Variants in FRS2 observed in about 807,000 individuals in gnomAD.
FRS2 encodes the protein fibroblast growth factor receptor substrate 2.
A neutral mutation model predicts 43.9 loss-of-function variants in FRS2; 8 were observed. The ratio of observed to expected loss-of-function variants is 0.18; its 90% CI spans 0.11 to 0.33. The LOEUF (loss-of-function observed/expected upper bound fraction) is 0.33, where lower values mean the gene tolerates loss of function less well. Among genes scored for constraint, FRS2 ranks in the 10% least tolerant of loss-of-function variants. The pLI, the probability that FRS2 is intolerant of heterozygous loss-of-function variation, is 1.00. For missense variants in FRS2, 534 were observed against 627.6 expected (o/e 0.85, Z 1.59); for synonymous variants, 219 against 220.3 (o/e 0.99, Z 0.05).
rs558333887 is a variant in FRS2, at chr12:69,470,800, C to T, written c.-261+270C>T. On this transcript the variant is annotated intron_variant, in intron 1 of 8. Coordinates refer to ENST00000549921, the MANE Select transcript of FRS2 (RefSeq NM_001278356.2). ...TCGAGAGTGGGGATGGGCTGGGCCT[C>T]TGTTCGTCCGTCCGACCCCCCTCAT... Among the ~76,000 whole-genome samples, 10 of 152,252 alleles carry T rather than the reference C, an allele frequency of 6.6e-5. 1 individual carries two copies. The South Asian group carries it at 8.3e-4, about 13-fold the overall frequency.
At chr12:69,488,028 G>A (rs1208820431) in intron 1 of FRS2, among the ~76,000 whole-genome samples, 1 of 152,224 alleles carries the variant, frequency 6.6e-6, no homozygotes, top group East Asian at 1.9e-4. Flanking sequence ...TTAGGAATGA[G>A]CAAAGAATAG....
intron 3 of FRS2, among the ~76,000 whole-genome samples, chr12:69,538,197 TTATATATATATATATATA>T (rs151295024): frequency 2.4e-5 from 2 of 81,638 alleles, no homozygotes; most frequent in Admixed American, 2.4e-4. Flanking sequence ...AAAACAAATT[TTATATATATATATATATA>T]TATATATAGC....
chr12:69,515,032 A>G (rs940414324), intron 1 of FRS2, among the ~76,000 whole-genome samples: 2 of 152,226 alleles, frequency 1.3e-5, no homozygotes, highest in African/African-American at 4.8e-5. Context: ...TATCTGTGTC[A>G]TCCTCACAAC....
rs556518823 is a variant in FRS2 at position 69,540,125 on chromosome 12, C to T, written c.-122+8069C>T. Among the ~76,000 whole-genome samples, 34 of 151,382 alleles carry T rather than the reference C, an allele frequency of 2.2e-4. 1 individual carries two copies. In the South Asian group the frequency reaches 6.7e-3, roughly 30 times the overall value. ...AAAATTAGCTGGGTGTGGTGGTGCG[C>T]GCCTGTAGTTCCAGCTACTAGGGAG... On this transcript the variant is annotated intron_variant, in intron 3 of 8. Transcript: ENST00000549921.
intron 1 of FRS2, among the ~76,000 whole-genome samples, chr12:69,495,586 A>G (rs1033768161): frequency 6.6e-6 from 1 of 152,206 alleles, no homozygotes; most frequent in Non-Finnish European, 1.5e-5. Flanking sequence ...TATTTAAAAA[A>G]TGGAGACTAT....
At chr12:69,523,986 C>T (rs1875945270) in intron 1 of FRS2, among the ~76,000 whole-genome samples, 1 of 152,168 alleles carries the variant, frequency 6.6e-6, no homozygotes, top group South Asian at 2.1e-4. Flanking sequence ...GCAGTGTGGA[C>T]GTGTGTGGAC....
Position 69,576,649 on chromosome 12 carries a change from G to A in FRS2, c.*1694G>A, listed in dbSNP as rs1881212055. On this transcript the variant is annotated 3_prime_UTR_variant, in exon 9 of 9. Coordinates refer to ENST00000549921, the MANE Select transcript of FRS2 (RefSeq NM_001278356.2). ...GTAACCGAATCATAGGACAATGATG[G>A]ATTAGGAGAACAATAGAGTGGGATC... 6.6e-6 allele frequency: 1 copy of A among 152,172 alleles called. No individual in the cohort carries two copies. Among genetic ancestry groups the A allele is most frequent in the African/African-American group, 2.4e-5 (1 of 41,434 alleles). The allele number at this position is 152,172 out of a possible 1,614,324, so 9.4% of individuals were successfully genotyped here. A position where few individuals can be genotyped will look rare whatever the true frequency, so the allele number is the denominator to read the frequency against.
chr12:69,489,534 G>A (rs1158657292), intron 1 of FRS2, among the ~76,000 whole-genome samples: 1 of 152,056 alleles, frequency 6.6e-6, no homozygotes, highest in Non-Finnish European at 1.5e-5. Flanking sequence ...GCTGGGTGTG[G>A]TGGCGCATGC....
chr12:69,551,942 A>G (rs978382197), intron 3 of FRS2, among the ~76,000 whole-genome samples: 7 of 152,086 alleles, frequency 4.6e-5, no homozygotes, highest in African/African-American at 1.7e-4. Flanking sequence ...GTGTCTTACA[A>G]TTAGTGGCAT....
intron 1 of FRS2, among the ~76,000 whole-genome samples, chr12:69,497,962 C>T (rs61927230): frequency 2.6e-5 from 4 of 152,036 alleles, no homozygotes; most frequent in Non-Finnish European, 5.9e-5. Flanking sequence ...AACTGTTATT[C>T]CAGGAAAAAG....
intron 5 of FRS2, 44 bp downstream of exon 5, chr12:69,569,140 G>T (rs368147839): frequency 4.4e-6 from 5 of 1,146,436 alleles, no homozygotes; most frequent in Non-Finnish European, 5.2e-6. Context: ...GCCTAGTTGG[G>T]TGTTCTTCTT....
At chr12:69,566,357 AATATGT>A (rs1427636765) in intron 4 of FRS2, among the ~76,000 whole-genome samples, 7 of 152,200 alleles carry the variant, frequency 4.6e-5, no homozygotes, top group Non-Finnish European at 4.4e-5. Flanking sequence ...GGGGAGAACA[AATATGT>A]ACTTTCAAGA....
chr12:69,563,989 A>G (rs1180156893), intron 4 of FRS2, among the ~76,000 whole-genome samples: 1 of 152,108 alleles, frequency 6.6e-6, no homozygotes, highest in Non-Finnish European at 1.5e-5. Flanking sequence ...TTCTTGACCT[A>G]CTGATTATAA....
At chr12:69,570,001 G>A (rs528657930) in intron 5 of FRS2, among the ~76,000 whole-genome samples, 17 of 152,104 alleles carry the variant, frequency 1.1e-4, no homozygotes, top group Admixed American at 3.3e-4. Context: ...TTATACTAGC[G>A]GTCCAGCTAA....
chr12:69,502,115 G>A (rs1873507101), intron 1 of FRS2, among the ~76,000 whole-genome samples: 1 of 151,984 alleles, frequency 6.6e-6, no homozygotes, highest in African/African-American at 2.4e-5. Flanking sequence ...ATAGGCACCT[G>A]CCACCACGCC....
At chr12:69,557,634 G>GCA (rs1879527689) in intron 3 of FRS2, among the ~76,000 whole-genome samples, 1 of 147,476 alleles carries the variant, frequency 6.8e-6, no homozygotes, top group African/African-American at 2.6e-5. Context: ...GCGCGCGCGC[G>GCA]CGCAGGTGCA....
chr12:69,528,123 G>A (rs891100166), intron 1 of FRS2, among the ~76,000 whole-genome samples: 3 of 152,182 alleles, frequency 2.0e-5, no homozygotes, highest in Admixed American at 6.5e-5. Context: ...AGTCAGACTT[G>A]CTGTTTTCTC....
In FRS2 at chr12:69,501,360, G is replaced by A. The variant is rs144946450; in HGVS notation, c.-260-29505G>A. The stretch of plus-strand genomic sequence containing the variant: ...CATTTTTAACAGTGATTCTGTGGGG[G>A]TGGAAAGACATTCGTGACTCCCGAC... On this transcript the variant is annotated intron_variant, in intron 1 of 8. Transcript: ENST00000549921. Among the ~76,000 whole-genome samples the A allele has an allele frequency of 1.4e-4, 22 of 152,286 alleles. 1 individual carries two copies. Among genetic ancestry groups the A allele is most frequent in the African/African-American group, 5.3e-4 (22 of 41,558 alleles).
rs569465033 is a variant in FRS2, at chr12:69,551,323, A to C, written c.-121-10857A>C. Among the ~76,000 whole-genome samples the C allele has an allele frequency of 2.0e-5, 3 of 152,362 alleles. No homozygotes were observed. The East Asian group carries it at 5.8e-4, about 29-fold the overall frequency. ...AGCTTTGATCGCCCCACTACACTGC[A>C]GCCTGGGCAATGGAGCGAGACCCTG... On this transcript the variant is annotated intron_variant, in intron 3 of 8. Transcript: ENST00000549921.
Sources: gnomAD v4.1 joint callset for allele counts (sites outside exome capture counted in the v4.1 genomes callset) on GRCh38, gnomAD v4.1.1 for gene constraint, MANE v1.5 for transcripts, NCBI Gene and HGNC (gene_info 2026-07-23, HGNC 2026-07-21) for gene names.